The following CHD7 variants were observed in gnomAD, a reference collection of about 807,000 sequenced individuals.
The protein encoded by CHD7 is ATP-dependent chromatin remodeler CHD7.
CHD7 carries 24 observed loss-of-function variants against 307.3 expected under a neutral mutation model. The observed-to-expected ratio is 0.08, with a 90% confidence interval of 0.06 to 0.11. CHD7 has a LOEUF of 0.11. Among genes scored for constraint, CHD7 ranks in the 10% least tolerant of loss-of-function variants. The pLI is 1.00. For synonymous variants in CHD7, 1,363 were observed against 1,349.9 expected (o/e 1.01, Z -0.21); for missense variants, 3,106 against 3,727.1 (o/e 0.83, Z 4.34).
intron 2 of CHD7, among the ~76,000 whole-genome samples, chr8:60,766,295 G>A (rs1012253735): frequency 2.6e-5 from 4 of 152,240 alleles, no homozygotes; most frequent in Non-Finnish European, 5.9e-5. Context: ...GAGAGAAAGG[G>A]GGGGAATTAT....
intron 23 of CHD7, 94 bp downstream of exon 23, chr8:60,845,503 A>T: frequency 1.4e-6 from 2 of 1,381,844 alleles, no homozygotes; most frequent in Non-Finnish European, 2.0e-6. Context: ...CAGATGCAGA[A>T]CTCGCAGATT....
intron 3 of CHD7, 102 bp from the exon 4 acceptor site, chr8:60,794,884 A>C: frequency 2.8e-6 from 3 of 1,086,620 alleles, no homozygotes; most frequent in Non-Finnish European, 3.9e-6. Flanking sequence ...GTATGGATTT[A>C]TCAGTTGTCA....
At chr8:60,684,787 C>T (rs1321305158) in intron 1 of CHD7, among the ~76,000 whole-genome samples, 1 of 152,048 alleles carries the variant, frequency 6.6e-6, no homozygotes, top group Admixed American at 6.6e-5. Flanking sequence ...GCCTTTGACA[C>T]GAGCAGAGTA....
chr8:60,738,527 C>T (rs764173401), intron 1 of CHD7, among the ~76,000 whole-genome samples: 2 of 151,958 alleles, frequency 1.3e-5, no homozygotes, highest in Non-Finnish European at 1.5e-5. Context: ...TTTATAGAAA[C>T]ACAAAATTAT....
intron 1 of CHD7, among the ~76,000 whole-genome samples, chr8:60,723,466 C>T (rs1180945964): frequency 6.6e-6 from 1 of 152,152 alleles, no homozygotes; most frequent in Admixed American, 6.5e-5. Context: ...TGGTTACTGA[C>T]ATTTAACCAC....
At chr8:60,832,656 G>A (rs1331846482) in intron 15 of CHD7, among the ~76,000 whole-genome samples, 3 of 152,234 alleles carry the variant, frequency 2.0e-5, no homozygotes, top group Admixed American at 6.5e-5. Flanking sequence ...CAGGATGTGT[G>A]TGAAAGGGGA....
At chr8:60,701,667 G>C (rs1563527632) in intron 1 of CHD7, among the ~76,000 whole-genome samples, 2 of 152,198 alleles carry the variant, frequency 1.3e-5, no homozygotes. Flanking sequence ...AATTTTTAAA[G>C]AGTGAATTTT....
At chr8:60,824,132 T>G in intron 13 of CHD7, 116 bp downstream of exon 13, 1 of 910,458 alleles carries the variant, frequency 1.1e-6, no homozygotes, top group Non-Finnish European at 1.7e-6. Context: ...TGTCAAATAT[T>G]GTGATATATT....
intron 1 of CHD7, among the ~76,000 whole-genome samples, chr8:60,724,542 A>G (rs1241138559): frequency 6.6e-6 from 1 of 152,220 alleles, no homozygotes; most frequent in Admixed American, 6.5e-5. Flanking sequence ...AAATTTTCAT[A>G]GATGAGGAAG....
intron 1 of CHD7, among the ~76,000 whole-genome samples, chr8:60,692,615 A>G (rs1315153768): frequency 6.6e-6 from 1 of 152,174 alleles, no homozygotes; most frequent in Non-Finnish European, 1.5e-5. Context: ...TGCTTATATG[A>G]AAGGCATAAA....
At chr8:60,715,586 T>C (rs1038357525) in intron 1 of CHD7, among the ~76,000 whole-genome samples, 9 of 152,126 alleles carry the variant, frequency 5.9e-5, no homozygotes, top group Non-Finnish European at 1.2e-4. Flanking sequence ...CCTAAAATGC[T>C]GGGATTACAG....
At chr8:60,710,783 C>T (rs1807248546) in intron 1 of CHD7, among the ~76,000 whole-genome samples, 1 of 152,094 alleles carries the variant, frequency 6.6e-6, no homozygotes, top group Non-Finnish European at 1.5e-5. Flanking sequence ...GCTGCAATGG[C>T]GATGCATGGC....
intron 4 of CHD7, 134 bp from the exon 5 acceptor site, chr8:60,800,254 G>T: frequency 4.3e-6 from 3 of 691,040 alleles, no homozygotes; most frequent in Non-Finnish European, 6.8e-6. Context: ...GGATGGTCTC[G>T]ATCTCCTGAC....
chr8:60,790,045 A>C (rs1002874385), intron 3 of CHD7, among the ~76,000 whole-genome samples: 3 of 152,206 alleles, frequency 2.0e-5, no homozygotes, highest in Admixed American at 6.5e-5. Context: ...CCCAATTCTC[A>C]TCATGAAATG....
intron 14 of CHD7, 58 bp downstream of exon 14, chr8:60,828,864 T>C: frequency 1.4e-6 from 2 of 1,476,780 alleles, no homozygotes; most frequent in Non-Finnish European, 1.9e-6. Flanking sequence ...GCCCATGAAA[T>C]GGCAAAGTAT....
chr8:60,859,694 AAG>A (rs1400879340), intron 34 of CHD7, among the ~76,000 whole-genome samples: 1 of 152,220 alleles, frequency 6.6e-6, no homozygotes, highest in Admixed American at 6.5e-5. Context: ...GAACATGTGT[AAG>A]AGGAGAGAGC....
intron 2 of CHD7, among the ~76,000 whole-genome samples, chr8:60,745,499 C>A (rs545350507): frequency 7.9e-6 from 1 of 127,376 alleles, no homozygotes; most frequent in South Asian, 3.5e-4. Context: ...TCAGGAGAGC[C>A]CACATGCATT....
intron 2 of CHD7, among the ~76,000 whole-genome samples, chr8:60,755,749 G>A (rs759132618): frequency 3.3e-5 from 5 of 152,018 alleles, no homozygotes; most frequent in Non-Finnish European, 7.4e-5. Context: ...TTGCAATCCA[G>A]GCTGTCATGT....
At position 60,850,703 on chromosome 8, in the gene CHD7, T is replaced by G. The variant is rs1805414332; in HGVS notation, c.5534+81T>G. ...GCAGGGTTCAGTTCTTACCCTGCAG[T>G]ACACACTGTATTGTGTCTGATTTGA... On this transcript the variant is annotated intron_variant, in intron 26 of 37. Coordinates refer to ENST00000423902, the MANE Select transcript of CHD7 (RefSeq NM_017780.4). The G allele has an allele frequency of 2.4e-5, 33 of 1,375,108 alleles. No individual in the cohort carries two copies. In the South Asian group the frequency reaches 3.7e-4, roughly 15 times the overall value. 85.2% of individuals were successfully genotyped at this position (1,375,108 alleles called of 1,614,324 possible).
Sources: allele counts gnomAD v4.1 joint callset (sites outside exome capture counted in the v4.1 genomes callset), GRCh38; gene constraint gnomAD v4.1.1; transcripts MANE v1.5; gene names NCBI Gene and HGNC (gene_info 2026-07-23, HGNC 2026-07-21).